PER3: variants seen among roughly 807,000 people sequenced by gnomAD.
PER3 encodes the protein period circadian regulator 3.
In PER3, 107 loss-of-function variants were observed where a neutral mutation model predicts 127.2. That is an observed-to-expected ratio of 0.84 (90% CI 0.72 to 0.99). The LOEUF is 0.99. PER3 is among the 50% of genes least tolerant of loss of function. The probability of loss-of-function intolerance (pLI) is 0.00; values close to 1 mark genes in which losing one functional copy is unlikely to be tolerated. For synonymous variants in PER3, 618 were observed against 585.8 expected (o/e 1.05, Z -0.79); for missense variants, 1,560 against 1,525.8 (o/e 1.02, Z -0.37).
At chr1:7,837,593 T>C (rs541468722) in intron 21 of PER3, among the ~76,000 whole-genome samples, 1 of 152,364 alleles carries the variant, frequency 6.6e-6, no homozygotes, top group South Asian at 2.1e-4. Flanking sequence ...GGGACTTAAG[T>C]GTCTTTTTGC....
At chr1:7,829,687 T>C in intron 18 of PER3, 147 bp from the exon 19 acceptor site, 1 of 664,190 alleles carries the variant, frequency 1.5e-6, no homozygotes, top group Middle Eastern at 3.0e-4. Context: ...GAACTGTTTA[T>C]TTCTGGAATT....
chr1:7,814,355 CAG>C (rs953347780), intron 13 of PER3, among the ~76,000 whole-genome samples: 19 of 152,264 alleles, frequency 1.2e-4, no homozygotes, highest in African/African-American at 4.6e-4. Flanking sequence ...AGAAAAAAGA[CAG>C]ATTACATACA....
Position 7,784,662 on chromosome 1 carries a change from C to T in PER3, c.-216C>T. ...TTGTCTCCTCCCCCTAGGCCGGAGT[C>T]CTGAAAGTCGAGCGAGCTCCGGGTT... On this transcript the variant is annotated 5_prime_UTR_variant, in exon 2 of 22. Transcript: ENST00000377532. 2.1e-6 allele frequency: 1 copy of T among 470,028 alleles called. No homozygotes were observed. The highest frequency in any genetic ancestry group is 3.7e-6 in the Non-Finnish European group (1 of 271,782). The allele number at this position is 470,028 out of a possible 1,614,324, so 29.1% of individuals were successfully genotyped here. A position where few individuals can be genotyped will look rare whatever the true frequency, so the allele number is the denominator to read the frequency against.
At chr1:7,803,611 C>A in intron 9 of PER3, 81 bp from the exon 10 acceptor site, 1 of 907,482 alleles carries the variant, frequency 1.1e-6, no homozygotes, top group Non-Finnish European at 1.7e-6. Flanking sequence ...AAAACATTTA[C>A]AAATAAATGG....
At chr1:7,791,204 C>G (rs911307492) in intron 5 of PER3, among the ~76,000 whole-genome samples, 2 of 152,250 alleles carry the variant, frequency 1.3e-5, no homozygotes, top group Non-Finnish European at 2.9e-5. Flanking sequence ...GCCCCTGTAG[C>G]AAACTTCTGC....
rs573264685 is a variant in PER3 at position 7,818,123 on chromosome 1, CA to C, written c.1523-1160del. Among the ~76,000 whole-genome samples the C allele has an allele frequency of 1.6e-4, 24 of 152,250 alleles. No individual in the cohort carries two copies. In the East Asian group the frequency reaches 4.3e-3, roughly 27 times the overall value. On this transcript the variant is annotated intron_variant, in intron 13 of 21. Coordinates refer to ENST00000377532, the MANE Select transcript of PER3 (RefSeq NM_001377275.1). ...TAAAGTTCTGACCCTGAACGGAAAA[CA>C]ACATTGAGTGGTAAACTGATAAAAT...
chr1:7,787,949 A>G, intron 4 of PER3, 96 bp from the exon 5 acceptor site: 1 of 851,318 alleles, frequency 1.2e-6, no homozygotes, highest in Non-Finnish European at 2.0e-6. Context: ...ATTTTAAGAT[A>G]CTGGTCATGT....
intron 10 of PER3, among the ~76,000 whole-genome samples, chr1:7,805,418 G>A (rs1023980892): frequency 2.6e-5 from 4 of 152,188 alleles, no homozygotes; most frequent in Admixed American, 6.5e-5. Context: ...GAGCCATGGT[G>A]AGAAGAGGTC....
At chr1:7,800,328 C>T (rs2097165131) in intron 7 of PER3, among the ~76,000 whole-genome samples, 3 of 151,726 alleles carry the variant, frequency 2.0e-5, no homozygotes, top group Admixed American at 1.3e-4. Flanking sequence ...ATGCTTCAGC[C>T]TCCCGAGTAC....
At chr1:7,818,197 T>C (rs1464692833) in intron 13 of PER3, among the ~76,000 whole-genome samples, 1 of 152,186 alleles carries the variant, frequency 6.6e-6, no homozygotes, top group Non-Finnish European at 1.5e-5. Context: ...CACTGTTCAT[T>C]TCCTAGTTGG....
intron 21 of PER3, among the ~76,000 whole-genome samples, chr1:7,842,094 T>TA (rs2097392874): frequency 6.6e-6 from 1 of 152,164 alleles, no homozygotes; most frequent in Non-Finnish European, 1.5e-5. Context: ...AAAGGTACCA[T>TA]AAAAATGTGG....
intron 6 of PER3, among the ~76,000 whole-genome samples, chr1:7,794,729 A>G (rs2097137384): frequency 6.6e-6 from 1 of 152,022 alleles, no homozygotes; most frequent in African/African-American, 2.4e-5. Flanking sequence ...TAAAAGATCT[A>G]GAGACAGTGA....
chr1:7,801,118 C>G lies in PER3; in HGVS notation c.799C>G (p.Arg267Gly), dbSNP rs559444285. 1.3e-6 allele frequency: 2 copies of G among 1,599,190 alleles called. No homozygotes were observed. The highest frequency in any genetic ancestry group is 1.3e-5 in the African/African-American group (1 of 74,302). ...CTTTGTTTTTTTTTCCTTAGCTCCT[C>G]GGATCCCAGTGAATAAAAGAATCTT... ...EKIHSGYEAP[R>G]IPVNKRIFTT... The change falls in exon 8 of 22, where the codon CGG (arginine) becomes GGG (glycine). Residue 267 changes from arginine (R) to glycine (G), a missense_variant. By Grantham distance (125) the Arg-to-Gly change is moderately radical. Transcript: ENST00000377532.
At chr1:7,810,725 C>G in intron 13 of PER3, 137 bp downstream of exon 13, 1 of 678,486 alleles carries the variant, frequency 1.5e-6, no homozygotes, top group Non-Finnish European at 2.4e-6. Flanking sequence ...GCCTAGATAG[C>G]AATAGTAATA....
chr1:7,795,372 G>A (rs2097140619), intron 6 of PER3, among the ~76,000 whole-genome samples: 1 of 152,202 alleles, frequency 6.6e-6, no homozygotes, highest in South Asian at 2.1e-4. Flanking sequence ...GTGTTGGCTG[G>A]TGATAAGTTG....
At chr1:7,821,143 G>C (rs2097274596) in intron 16 of PER3, among the ~76,000 whole-genome samples, 1 of 152,170 alleles carries the variant, frequency 6.6e-6, no homozygotes, top group Non-Finnish European at 1.5e-5. Flanking sequence ...TTATTCTACT[G>C]TCTTCTTATT....
chr1:7,834,892 G>A (rs1291819219), intron 19 of PER3, among the ~76,000 whole-genome samples: 1 of 152,082 alleles, frequency 6.6e-6, no homozygotes, highest in Non-Finnish European at 1.5e-5. Context: ...GTTCTAGAAG[G>A]GTCAAATGCA....
chr1:7,844,058 G>T lies in PER3; in HGVS notation c.*1303G>T, dbSNP rs548454890. On this transcript the variant is annotated 3_prime_UTR_variant, in exon 22 of 22. Coordinates refer to ENST00000377532, the MANE Select transcript of PER3 (RefSeq NM_001377275.1). ...ATTTTTTTTTCCTTTTTTTGTTTTTGGTTTTTTATGGTTTTTTAAGGAAAA... is the reference window on the plus strand; with the variant it reads ...ATTTTTTTTTCCTTTTTTTGTTTTTTGTTTTTTATGGTTTTTTAAGGAAAA... 150 of 829,174 alleles carry T rather than the reference G, an allele frequency of 1.8e-4. 1 individual carries two copies. In the South Asian group the frequency reaches 4.0e-3, roughly 22 times the overall value. The allele number at this position is 829,174 out of a possible 1,614,324, so 51.4% of individuals were successfully genotyped here.
Position 7,829,852 on chromosome 1 carries a change from A to T in PER3, c.2905A>T (p.Asn969Tyr). 1.2e-6 allele frequency: 2 copies of T among 1,614,000 alleles called. No individual in the cohort carries two copies. The highest frequency in any genetic ancestry group is 1.7e-6 in the Non-Finnish European group (2 of 1,179,868). ...TTTCTAGCAGTGTGTTACAGGCAAC[A>T]ATGGCAGTGAGAGCAGTCCTGCTAC... ...QTEYQCVTGN[N>Y]GSESSPATTG... Residue 969 changes from asparagine (N) to tyrosine (Y), a missense_variant, in exon 19 of 22, where the codon AAT becomes TAT. Around this residue, in one of 3 missense-constraint regions of PER3, gnomAD observed 1,332 missense variants for 1,223.6 expected, o/e 1.09. Transcript: ENST00000377532.
Sources: gnomAD v4.1 joint callset for allele counts (sites outside exome capture counted in the v4.1 genomes callset) on GRCh38, gnomAD v4.1.1 for gene constraint, gnomAD v4.1.1 regional missense constraint, MANE v1.5 for transcripts, NCBI Gene and HGNC (gene_info 2026-07-23, HGNC 2026-07-21) for gene names.